Variants in FBXO27 observed in about 807,000 individuals in gnomAD.
The protein encoded by FBXO27 is F-box only protein 27.
A neutral mutation model predicts 28.3 loss-of-function variants in FBXO27; 28 were observed. The ratio of observed to expected loss-of-function variants is 0.99; its 90% CI spans 0.73 to 1.36. The LOEUF is 1.36. Among genes scored for constraint, FBXO27 ranks in the 40% most tolerant of loss-of-function variants. The pLI is 0.00. For missense variants in FBXO27, 388 were observed against 394.1 expected (o/e 0.98, Z 0.13); for synonymous variants, 175 against 167.3 (o/e 1.05, Z -0.36).
chr19:39,031,816 G>A (rs1199961810), intron 2 of FBXO27, 48 bp downstream of exon 2: 11 of 1,428,980 alleles, frequency 7.7e-6, no homozygotes, highest in East Asian at 2.7e-5. Flanking sequence ...CCCCGCTACC[G>A]CTCCCACTGT....
Position 39,031,897 on chromosome 19 carries a change from C to G in FBXO27, c.331G>C (p.Gly111Arg). 3 of 1,499,754 alleles carry G rather than the reference C, an allele frequency of 2.0e-6. No homozygotes were observed. The highest frequency in any genetic ancestry group is 2.6e-6 in the Non-Finnish European group (3 of 1,136,556). The allele number at this position is 1,499,754 out of a possible 1,614,324, so 92.9% of individuals were successfully genotyped here. A position where few individuals can be genotyped will look rare whatever the true frequency, so the allele number is the denominator to read the frequency against. ...CAGGGGTTGCGAATAAGGTTGCGTC[C>G]GATGGGTCTGCGCGCGCAGAAGCGG... Reference protein sequence around the residue: ...LGRFCARRPIGRNLIRNPCGQ... With the variant: ...LGRFCARRPIRRNLIRNPCGQ... Residue 111 changes from glycine (G) to arginine (R), a missense_variant, in exon 2 of 6, where the codon GGA (glycine) becomes CGA (arginine). Physicochemically the swap from Gly to Arg is moderately radical, Grantham distance 125. Transcript: ENST00000292853.
In FBXO27 at chr19:39,025,512, C is replaced by G; in HGVS notation, c.751G>C (p.Val251Leu). The change falls in exon 6 of 6, where the codon GTG becomes CTG. Residue 251 changes from valine (V) to leucine (L), a missense_variant. Coordinates refer to ENST00000292853, the MANE Select transcript of FBXO27 (RefSeq NM_178820.5). ...TCCTGGCCCCGGTGTTCGAAAGACA[C>G]AAAGCGGACGCCCATCTTGATGTTG... is the stretch of plus-strand genomic sequence containing the variant. Reference protein sequence around the residue: ...FSNIKMGVRFVSFEHRGQDTQ... With the variant: ...FSNIKMGVRFLSFEHRGQDTQ... 2 of 1,614,140 alleles carry G rather than the reference C, an allele frequency of 1.2e-6. No homozygotes were observed. The highest frequency in any genetic ancestry group is 1.7e-6 in the Non-Finnish European group (2 of 1,180,032).
At chr19:39,011,508 A>T (rs548091392) in intron 2 of FBXO27, among the ~76,000 whole-genome samples, 2 of 152,324 alleles carry the variant, frequency 1.3e-5, no homozygotes, top group East Asian at 3.9e-4. Context: ...TCTTAAAAAT[A>T]TAAAGTCTTC....
At chr19:39,029,180 C>CT (rs934776323) in intron 4 of FBXO27, among the ~76,000 whole-genome samples, 30 of 151,634 alleles carry the variant, frequency 2.0e-4, no homozygotes, top group Admixed American at 2.0e-3. Context: ...AATCCCGGCA[C>CT]TTTAATAGGC....
intron 2 of FBXO27, among the ~76,000 whole-genome samples, chr19:39,009,886 T>A (rs936231687): frequency 7.9e-5 from 12 of 152,064 alleles, no homozygotes; most frequent in Non-Finnish European, 1.6e-4. Flanking sequence ...CTCAGCTCAT[T>A]GCAACCTGCG....
At position 39,032,482 on chromosome 19, in the gene FBXO27, A is replaced by ACAC; in HGVS notation, c.-27+18_-27+20dup. 2 of 461,894 alleles carry ACAC rather than the reference A, an allele frequency of 4.3e-6. No individual in the cohort carries two copies. Among genetic ancestry groups the ACAC allele is most frequent in the Non-Finnish European group, 3.7e-6 (1 of 273,426 alleles). The allele number at this position is 461,894 out of a possible 1,614,324, so 28.6% of individuals were successfully genotyped here. A position where few individuals can be genotyped will look rare whatever the true frequency, so the allele number is the denominator to read the frequency against. On this transcript the variant is annotated intron_variant, in intron 1 of 5. Transcript: ENST00000292853. The surrounding 1 kb of genome is among the most constrained non-coding windows in gnomAD (Gnocchi z 4.7). ...TCAGCCCCCCTCGGCGGCCGCACCG[A>ACAC]CACCGCACCCCAAGTCCTACCCCGG...
downstream of FBXO27, among the ~76,000 whole-genome samples, chr19:39,023,375 T>A (rs1053658905): frequency 6.6e-6 from 1 of 152,192 alleles, no homozygotes; most frequent in African/African-American, 2.4e-5. Context: ...GGCAATAGAT[T>A]TAATTTCTTT....
chr19:39,009,340 T>C (rs532876461), intron 2 of FBXO27, among the ~76,000 whole-genome samples: 30 of 152,356 alleles, frequency 2.0e-4, no homozygotes, highest in Non-Finnish European at 4.1e-4. Context: ...AGTAGAATTC[T>C]ACGTTTAGCT....
At chr19:39,020,979 T>C (rs1410506654), downstream of FBXO27, among the ~76,000 whole-genome samples, 1 of 151,812 alleles carries the variant, frequency 6.6e-6, no homozygotes, top group Non-Finnish European at 1.5e-5. Flanking sequence ...CTCAGCCTCC[T>C]GAGTAGCAGG....
chr19:39,019,299 C>T (rs1440449233), downstream of FBXO27, among the ~76,000 whole-genome samples: 1 of 150,740 alleles, frequency 6.6e-6, no homozygotes, highest in Non-Finnish European at 1.5e-5. Context: ...GTGGCGGGCA[C>T]CTGTAGTCCC....
At position 39,026,549 on chromosome 19, in the gene FBXO27, A is replaced by C. The variant is rs2072873701; in HGVS notation, c.708+321T>G. Reference sequence around the variant, plus strand: ...GAGTGCAATGGCGCAATCTTGGCTCACTGCAACTTCTGCCTCCCAGATTCA... The same window carrying C: ...GAGTGCAATGGCGCAATCTTGGCTCCCTGCAACTTCTGCCTCCCAGATTCA... On this transcript the variant is annotated intron_variant, in intron 5 of 5. Transcript: ENST00000292853. 2.0e-5 allele frequency among the ~76,000 whole-genome samples: 3 copies of C among 151,892 alleles called. No homozygotes were observed. In the South Asian group the frequency reaches 6.3e-4, roughly 32 times the overall value.
intron 4 of FBXO27, among the ~76,000 whole-genome samples, chr19:39,030,008 A>G (rs1318310239): frequency 1.3e-5 from 2 of 152,004 alleles, no homozygotes; most frequent in Non-Finnish European, 1.5e-5. Flanking sequence ...CGCCCAGCTA[A>G]TTTTTTGTAT....
At chr19:39,027,808 CCAGT>C (rs2072881447) in intron 4 of FBXO27, among the ~76,000 whole-genome samples, 1 of 151,932 alleles carries the variant, frequency 6.6e-6, no homozygotes, top group Non-Finnish European at 1.5e-5. Context: ...GCCACCATGC[CCAGT>C]CAGATTTTGT....
Position 39,032,300 on chromosome 19 carries a change from G to A in FBXO27, c.-26-47C>T. ...GGCGTCAGGGACCAGCAGCCTCCGC[G>A]GCGCGCAGCCTCTGCCTGCCCTGAT... On this transcript the variant is annotated intron_variant, in intron 1 of 5. Coordinates refer to ENST00000292853, the MANE Select transcript of FBXO27 (RefSeq NM_178820.5). The surrounding 1 kb of genome is among the most constrained non-coding windows in gnomAD (Gnocchi z 4.7). The A allele has an allele frequency of 7.6e-7, 1 of 1,315,222 alleles. No individual in the cohort carries two copies. Among genetic ancestry groups the A allele is most frequent in the Non-Finnish European group, 9.4e-7 (1 of 1,062,658 alleles). The allele number at this position is 1,315,222 out of a possible 1,614,324, so 81.5% of individuals were successfully genotyped here. A position where few individuals can be genotyped will look rare whatever the true frequency, so the allele number is the denominator to read the frequency against.
intron 2 of FBXO27, among the ~76,000 whole-genome samples, chr19:39,005,961 GAA>G (rs1975732226): frequency 6.6e-6 from 1 of 152,182 alleles, no homozygotes; most frequent in South Asian, 2.1e-4. Flanking sequence ...TGATCAAGGT[GAA>G]ATGTCATCAA....
rs1188746995 is a variant in FBXO27 at position 39,032,257 on chromosome 19, C to A, written c.-26-4G>T. 3 of 1,415,832 alleles carry A rather than the reference C, an allele frequency of 2.1e-6. No homozygotes were observed. Among genetic ancestry groups the A allele is most frequent in the Non-Finnish European group, 1.8e-6 (2 of 1,093,908 alleles). The allele number at this position is 1,415,832 out of a possible 1,614,324, so 87.7% of individuals were successfully genotyped here. On this transcript the variant is annotated splice_region_variant and splice_polypyrimidine_tract_variant and intron_variant, in intron 1 of 5. Coordinates refer to ENST00000292853, the MANE Select transcript of FBXO27 (RefSeq NM_178820.5). The surrounding 1 kb of genome is among the most constrained non-coding windows in gnomAD (Gnocchi z 4.7). ...CCCCCGCCAGGCCCGGCTGTGGCTG[C>A]GGGAGAGGAAGGGTCAAGGCGTCAG... is the stretch of plus-strand genomic sequence containing the variant.
chr19:39,018,131 C>T (rs1438853465), intron 1 of FBXO27, among the ~76,000 whole-genome samples: 1 of 152,162 alleles, frequency 6.6e-6, no homozygotes, highest in Non-Finnish European at 1.5e-5. Flanking sequence ...CAGGTGCCCG[C>T]CACCATGCCC....
chr19:39,007,884 T>A (rs1430405000), intron 2 of FBXO27, among the ~76,000 whole-genome samples: 1 of 152,074 alleles, frequency 6.6e-6, no homozygotes, highest in Admixed American at 6.6e-5. Context: ...ACTCCTGGGC[T>A]CAAGAAATCT....
intron 2 of FBXO27, among the ~76,000 whole-genome samples, chr19:39,009,870 C>T (rs978152753): frequency 1.3e-5 from 2 of 151,880 alleles, no homozygotes; most frequent in Non-Finnish European, 2.9e-5. Flanking sequence ...AGTGCAGTGG[C>T]GTGATCTCAG....
Sources: gnomAD v4.1 joint callset for allele counts (sites outside exome capture counted in the v4.1 genomes callset) on GRCh38, gnomAD v4.1.1 for gene constraint, Gnocchi (gnomAD v3.1) non-coding constraint, MANE v1.5 for transcripts, NCBI Gene and HGNC (gene_info 2026-07-23, HGNC 2026-07-21) for gene names.